The following CNBD1 variants were observed in gnomAD, a reference collection of about 807,000 sequenced individuals.
CNBD1 encodes cyclic nucleotide binding domain containing 1, also known as cyclic nucleotide-binding domain-containing protein 1.
Under a neutral mutation model 54.4 loss-of-function variants are expected in CNBD1, and 71 were observed. That is an observed-to-expected ratio of 1.30 (90% confidence interval 1.08 to 1.59). CNBD1 has a LOEUF of 1.59. Ranked by LOEUF, CNBD1 falls within the 40% of genes most tolerant of loss-of-function variation. The pLI is 0.00. For missense variants in CNBD1, 659 were observed against 518.0 expected (o/e 1.27, Z -2.64); for synonymous variants, 182 against 170.7 (o/e 1.07, Z -0.51).
intron 4 of CNBD1, among the ~76,000 whole-genome samples, chr8:87,053,625 A>G (rs975830552): frequency 6.6e-6 from 1 of 151,918 alleles, no homozygotes; most frequent in African/African-American, 2.4e-5. Flanking sequence ...CCTTTTTTTC[A>G]TGGATCCCGA....
In CNBD1 at chr8:87,225,474, C is replaced by T. The variant is rs866608391; in HGVS notation, c.578-11445C>T. Among the ~76,000 whole-genome samples the T allele has an allele frequency of 3.7e-3, 554 of 150,610 alleles. 2 individuals carry two copies. The highest frequency in any genetic ancestry group is 0.013 in the African/African-American group (531 of 41,164). On this transcript the variant is annotated intron_variant, in intron 5 of 10. Transcript: ENST00000518476. ...AGGGTTGTTGAATTTTGTCAAAGGC[C>T]TTTTCTGCATCTATTGAGATAATCA...
In CNBD1 at chr8:87,324,252, A is replaced by G. The variant is rs201889574; in HGVS notation, c.1043-27433A>G. Among the ~76,000 whole-genome samples, 392 of 124,616 alleles carry G rather than the reference A, an allele frequency of 3.1e-3. 5 individuals carry two copies. Among genetic ancestry groups the G allele is most frequent in the African/African-American group, 0.011 (370 of 32,816 alleles). 81.8% of individuals were successfully genotyped at this position (124,616 alleles called of 152,430 possible). On this transcript the variant is annotated intron_variant, in intron 8 of 10. Transcript: ENST00000518476. Reference sequence around the variant, plus strand: ...GCATCAATGTTCATCAAGGATATTGATCTAAAATTCTCTTTTTTGGTTGTG... The same window carrying G: ...GCATCAATGTTCATCAAGGATATTGGTCTAAAATTCTCTTTTTTGGTTGTG...
chr8:87,167,558 AT>A (rs1031560274), intron 4 of CNBD1, among the ~76,000 whole-genome samples: 1 of 151,274 alleles, frequency 6.6e-6, no homozygotes, highest in Non-Finnish European at 1.5e-5. Context: ...ATGACACTGC[AT>A]TTTTTTTCAG....
chr8:86,993,781 G>C (rs1001696776), intron 4 of CNBD1, among the ~76,000 whole-genome samples: 3 of 152,210 alleles, frequency 2.0e-5, no homozygotes, highest in Non-Finnish European at 4.4e-5. Context: ...TTAGAGTAGT[G>C]ACCAGCAGAT....
downstream of CNBD1, among the ~76,000 whole-genome samples, chr8:87,387,367 C>T (rs533969968): frequency 1.5e-4 from 23 of 152,068 alleles, no homozygotes; most frequent in South Asian, 6.2e-4. Flanking sequence ...ACCCATCTCA[C>T]GTGCCGAGAC....
chr8:87,315,437 G>T (rs7824344), intron 8 of CNBD1, among the ~76,000 whole-genome samples: 5 of 151,860 alleles, frequency 3.3e-5, no homozygotes, highest in African/African-American at 1.2e-4. Context: ...CATGGTGCAG[G>T]CATCTACTTG....
chr8:87,007,827 C>A (rs970484785), intron 4 of CNBD1, among the ~76,000 whole-genome samples: 2 of 152,096 alleles, frequency 1.3e-5, no homozygotes. Context: ...ATTAAATTTT[C>A]AAACATCTAG....
intron 4 of CNBD1, among the ~76,000 whole-genome samples, chr8:86,978,256 A>G (rs1808387518): frequency 6.6e-6 from 1 of 152,176 alleles, no homozygotes; most frequent in East Asian, 1.9e-4. Flanking sequence ...GTTTACAGAA[A>G]GCCAATTTCT....
chr8:86,889,064 T>C (rs751407324), intron 2 of CNBD1, among the ~76,000 whole-genome samples: 1 of 152,194 alleles, frequency 6.6e-6, no homozygotes, highest in Non-Finnish European at 1.5e-5. Context: ...GTAAGTCTTA[T>C]GTTTACTATG....
At chr8:87,266,103 A>G (rs974711465) in intron 6 of CNBD1, among the ~76,000 whole-genome samples, 2 of 152,080 alleles carry the variant, frequency 1.3e-5, no homozygotes, top group Non-Finnish European at 2.9e-5. Flanking sequence ...AATATAGCTA[A>G]ATTACATTCA....
chr8:87,343,267 C>T (rs554402437), intron 8 of CNBD1, among the ~76,000 whole-genome samples: 17 of 152,210 alleles, frequency 1.1e-4, no homozygotes, highest in East Asian at 1.9e-4. Context: ...ACATGTTTTA[C>T]GGTCAGATTT....
chr8:87,247,127 C>A (rs1164710665), intron 6 of CNBD1, among the ~76,000 whole-genome samples: 4 of 152,110 alleles, frequency 2.6e-5, no homozygotes, highest in African/African-American at 7.2e-5. Flanking sequence ...ATAATCTCCA[C>A]CTTGACTTTA....
intron 8 of CNBD1, among the ~76,000 whole-genome samples, chr8:87,321,931 C>A (rs1237823413): frequency 6.7e-6 from 1 of 148,522 alleles, no homozygotes; most frequent in East Asian, 2.0e-4. Flanking sequence ...TTAGGTATAT[C>A]TCCCAATGCT....
At chr8:87,072,799 C>G (rs544707462) in intron 4 of CNBD1, among the ~76,000 whole-genome samples, 2 of 150,456 alleles carry the variant, frequency 1.3e-5, no homozygotes, top group East Asian at 2.0e-4. Flanking sequence ...GGTTGATTTT[C>G]TCGTGTAGGA....
At chr8:87,333,273 A>C (rs556453148) in intron 8 of CNBD1, among the ~76,000 whole-genome samples, 1 of 152,152 alleles carries the variant, frequency 6.6e-6, no homozygotes, top group South Asian at 2.1e-4. Flanking sequence ...AGTTTTTGGG[A>C]TGAGACAATG....
intron 2 of CNBD1, among the ~76,000 whole-genome samples, chr8:86,901,031 T>C (rs1372143828): frequency 6.6e-6 from 1 of 152,158 alleles, no homozygotes; most frequent in Non-Finnish European, 1.5e-5. Flanking sequence ...GAAACTCACA[T>C]TTCCAAAAAA....
rs547859999 is a variant in CNBD1, at chr8:87,313,825, A to G, written c.1042+27154A>G. On this transcript the variant is annotated intron_variant, in intron 8 of 10. Transcript: ENST00000518476. ...TTAACATTTTACCTACTCTTTTTAC[A>G]TAAATGACAGTAAGGAAAACATGTC... is the stretch of plus-strand genomic sequence containing the variant. 2.6e-5 allele frequency among the ~76,000 whole-genome samples: 4 copies of G among 152,100 alleles called. No individual in the cohort carries two copies. In the East Asian group the frequency reaches 7.7e-4, roughly 29 times the overall value.
Position 87,395,863 on chromosome 8 carries a change from G to A in CNBD1, c.214-32683G>A, listed in dbSNP as rs528112544. Among the ~76,000 whole-genome samples the A allele has an allele frequency of 3.9e-5, 6 of 151,990 alleles. No individual in the cohort carries two copies. In the East Asian group the frequency reaches 1.2e-3, roughly 30 times the overall value. On this transcript the variant is annotated intron_variant, in intron 2 of 7. Coordinates refer to the CNBD1 transcript ENST00000521593. ...ATACTGTCAGCGTTATAGTGAGTGA[G>A]TTCTCACAGGATCTGATCATTTTAT...
chr8:87,381,587 A>C (rs529039260), intron 10 of CNBD1, among the ~76,000 whole-genome samples: 1 of 152,044 alleles, frequency 6.6e-6, no homozygotes, highest in Non-Finnish European at 1.5e-5. Flanking sequence ...TGTTAATTGC[A>C]GCATTATGCA....
Sources: gnomAD v4.1 joint callset for allele counts (sites outside exome capture counted in the v4.1 genomes callset) on GRCh38, gnomAD v4.1.1 for gene constraint, MANE v1.5 for transcripts, NCBI Gene and HGNC (gene_info 2026-07-23, HGNC 2026-07-21) for gene names.